Variants in NRG2 observed in about 807,000 individuals in gnomAD.
NRG2 encodes pro-neuregulin-2, membrane-bound isoform.
A neutral mutation model predicts 73.9 loss-of-function variants in NRG2; 27 were observed. The observed-to-expected ratio is 0.37, with a 90% CI of 0.27 to 0.50. The LOEUF is 0.50. Ranked by LOEUF, NRG2 falls within the 20% of genes least tolerant of loss-of-function variation. The pLI is 0.96. For synonymous variants in NRG2, 532 were observed against 541.0 expected, an observed-to-expected ratio of 0.98 and a Z score of 0.23; for missense variants, 1,126 against 1,210.1, an observed-to-expected ratio of 0.93 and a Z score of 1.03.
chr5:139,907,932 C>T (rs1393353012), intron 1 of NRG2, among the ~76,000 whole-genome samples: 1 of 152,260 alleles, frequency 6.6e-6, no homozygotes, highest in African/African-American at 2.4e-5. Flanking sequence ...TACTATCTGC[C>T]TCAGCCTAGT....
At chr5:139,941,633 T>A (rs1753409772) in intron 1 of NRG2, among the ~76,000 whole-genome samples, 1 of 152,226 alleles carries the variant, frequency 6.6e-6, no homozygotes, top group Non-Finnish European at 1.5e-5. Flanking sequence ...TCTTGATATT[T>A]GCCTTTAGCT....
chr5:139,996,805 G>T (rs1366946802), intron 1 of NRG2, among the ~76,000 whole-genome samples: 1 of 152,046 alleles, frequency 6.6e-6, no homozygotes, highest in Non-Finnish European at 1.5e-5. Flanking sequence ...CATGTAATTA[G>T]CTCTCAAATA....
intron 1 of NRG2, among the ~76,000 whole-genome samples, chr5:140,031,597 C>T (rs1761161168): frequency 6.6e-6 from 1 of 152,182 alleles, no homozygotes; most frequent in African/African-American, 2.4e-5. Flanking sequence ...GGGATTCAGA[C>T]ATGACAGATC....
At chr5:139,923,051 C>T (rs1751792591) in intron 1 of NRG2, among the ~76,000 whole-genome samples, 1 of 152,086 alleles carries the variant, frequency 6.6e-6, no homozygotes, top group African/African-American at 2.4e-5. Flanking sequence ...CTTGTCCAAA[C>T]CCATAGAATG....
intron 1 of NRG2, among the ~76,000 whole-genome samples, chr5:140,005,770 T>G (rs1387368489): frequency 6.6e-6 from 1 of 152,218 alleles, no homozygotes; most frequent in Non-Finnish European, 1.5e-5. Context: ...GAGATTACAC[T>G]TTCAGCATGG....
At chr5:140,006,580 A>G (rs1488998695) in intron 1 of NRG2, among the ~76,000 whole-genome samples, 1 of 152,230 alleles carries the variant, frequency 6.6e-6, no homozygotes, top group African/African-American at 2.4e-5. Flanking sequence ...AATATGGAGC[A>G]TTCATAAGAT....
Position 139,939,262 on chromosome 5 carries a change from T to TTC in NRG2, c.701-51752_701-51751insGA, listed in dbSNP as rs1561694785. 1.3e-4 allele frequency among the ~76,000 whole-genome samples: 18 copies of TTC among 143,318 alleles called. No individual in the cohort carries two copies. In the South Asian group the frequency reaches 4.1e-3, roughly 33 times the overall value. The allele number at this position is 143,318 out of a possible 152,430, so 94.0% of individuals were successfully genotyped here. A position where few individuals can be genotyped will look rare whatever the true frequency, so the allele number is the denominator to read the frequency against. ...TTCCTTCCTTTCTTTCTTTCTTTCT[T>TTC]TTTCTTTCTTTCTTTCTTTCCTTTC... On this transcript the variant is annotated intron_variant, in intron 1 of 9. Transcript: ENST00000361474.
intron 1 of NRG2, among the ~76,000 whole-genome samples, chr5:139,888,546 G>A (rs1212527693): frequency 1.3e-5 from 2 of 152,142 alleles, no homozygotes; most frequent in Admixed American, 6.6e-5. Context: ...GCCCTGTCTC[G>A]GCCATTGGTC....
Position 139,904,388 on chromosome 5 carries a change from A to G in NRG2, c.701-16877T>C. ...CCGCGGCCGCGGCCCCTCCTCCTGG[A>G]CTCCGACATTCTGCACGGGGTCCCA... is the stretch of plus-strand genomic sequence containing the variant. On this transcript the variant is annotated intron_variant, in intron 1 of 9. Coordinates refer to ENST00000361474, the MANE Select transcript of NRG2 (RefSeq NM_004883.3). The surrounding 1 kb of genome is among the most constrained non-coding windows in gnomAD (Gnocchi z 6.0). The G allele has an allele frequency of 6.4e-7, 1 of 1,564,024 alleles. No individual in the cohort carries two copies. Among genetic ancestry groups the G allele is most frequent in the Non-Finnish European group, 8.6e-7 (1 of 1,156,244 alleles).
chr5:139,946,697 A>G (rs2126448342), intron 1 of NRG2, among the ~76,000 whole-genome samples: 1 of 152,314 alleles, frequency 6.6e-6, no homozygotes, highest in East Asian at 1.9e-4. Context: ...ACTGAATTGT[A>G]GGAAGTATCT....
chr5:139,863,647 T>TG (rs1762292224), intron 5 of NRG2, among the ~76,000 whole-genome samples: 2 of 152,246 alleles, frequency 1.3e-5, no homozygotes, highest in Non-Finnish European at 2.9e-5. Context: ...CTCTTGCCCC[T>TG]GGCCCCCAGC....
chr5:139,864,870 AC>A, intron 5 of NRG2: 1 of 584,596 alleles, frequency 1.7e-6, no homozygotes, highest in South Asian at 1.9e-5. Context: ...AGGCTGCCCG[AC>A]CCCAGAAGTT....
chr5:139,904,387 G>A lies in NRG2; in HGVS notation c.701-16876C>T. On this transcript the variant is annotated intron_variant, in intron 1 of 9. Coordinates refer to ENST00000361474, the MANE Select transcript of NRG2 (RefSeq NM_004883.3). This position sits in a 1 kb window ranked among gnomAD's most constrained non-coding sequence, Gnocchi z 6.0. ...GCCGCGGCCGCGGCCCCTCCTCCTG[G>A]ACTCCGACATTCTGCACGGGGTCCC... 6.4e-7 allele frequency: 1 copy of A among 1,567,086 alleles called. No homozygotes were observed.
intron 1 of NRG2, among the ~76,000 whole-genome samples, chr5:140,036,622 A>G (rs935027838): frequency 3.3e-5 from 5 of 152,208 alleles, no homozygotes; most frequent in Non-Finnish European, 7.3e-5. Context: ...CATAAACTGG[A>G]CTTATTTCTA....
In NRG2 at chr5:140,043,267, T is replaced by C. The variant is rs1369868680; in HGVS notation, c.-198A>G. The C allele has an allele frequency of 1.7e-6, 1 of 579,912 alleles. No individual in the cohort carries two copies. The highest frequency in any genetic ancestry group is 2.0e-5 in the African/African-American group (1 of 50,118). 35.9% of individuals were successfully genotyped at this position (579,912 alleles called of 1,614,324 possible). A position where few individuals can be genotyped will look rare whatever the true frequency, so the allele number is the denominator to read the frequency against. ...TGCGCAGCGCGGCGCAGCGCAGCGC[T>C]CCCACCCTGTGCGCCAGGACCTGGA... On this transcript the variant is annotated 5_prime_UTR_variant, in exon 1 of 10. Coordinates refer to ENST00000361474, the MANE Select transcript of NRG2 (RefSeq NM_004883.3). This position sits in a 1 kb window ranked among gnomAD's most constrained non-coding sequence, Gnocchi z 6.7.
chr5:139,942,699 C>A (rs187130322), intron 1 of NRG2, among the ~76,000 whole-genome samples: 38 of 152,320 alleles, frequency 2.5e-4, no homozygotes, highest in Non-Finnish European at 4.9e-4. Flanking sequence ...CTTTGAACAA[C>A]TATTTTTGCA....
intron 1 of NRG2, among the ~76,000 whole-genome samples, chr5:139,942,283 T>C (rs1753457638): frequency 6.6e-6 from 1 of 152,214 alleles, no homozygotes; most frequent in African/African-American, 2.4e-5. Context: ...ACATGACAGA[T>C]TAAAATATTT....
intron 1 of NRG2, among the ~76,000 whole-genome samples, chr5:139,945,112 T>A (rs1284335022): frequency 6.6e-6 from 1 of 152,086 alleles, no homozygotes; most frequent in Non-Finnish European, 1.5e-5. Context: ...TATGTTTTCC[T>A]GCTGTTGAGG....
chr5:139,957,309 G>C (rs1553165), intron 1 of NRG2, among the ~76,000 whole-genome samples: 968 of 3,968 alleles, frequency 0.24, 5 homozygotes, highest in African/African-American at 0.36. Flanking sequence ...AAGAATCTCT[G>C]TGTGTGTGTG....
Sources: gnomAD v4.1 joint callset for allele counts (sites outside exome capture counted in the v4.1 genomes callset) on GRCh38, gnomAD v4.1.1 for gene constraint, Gnocchi (gnomAD v3.1) non-coding constraint, MANE v1.5 for transcripts, NCBI Gene and HGNC (gene_info 2026-07-23, HGNC 2026-07-21) for gene names.